TNS3: variants seen among roughly 807,000 people sequenced by gnomAD.
TNS3 encodes tensin 3.
TNS3 carries 45 observed loss-of-function variants against 140.9 expected under a neutral mutation model. The ratio of observed to expected loss-of-function variants is 0.32; its 90% CI spans 0.25 to 0.41. The LOEUF (loss-of-function observed/expected upper bound fraction) is 0.41, where lower values mean the gene tolerates loss of function less well. Among genes scored for constraint, TNS3 ranks in the 10% least tolerant of loss-of-function variants. The pLI is 1.00. For missense variants in TNS3, 1,716 were observed against 1,906.7 expected, an observed-to-expected ratio of 0.90 and a Z score of 1.86; for synonymous variants, 815 against 788.4, an observed-to-expected ratio of 1.03 and a Z score of -0.56.
intron 20 of TNS3, among the ~76,000 whole-genome samples, chr7:47,319,456 T>G (rs1298465156): frequency 6.6e-6 from 1 of 152,018 alleles, no homozygotes; most frequent in Non-Finnish European, 1.5e-5. Flanking sequence ...CAGGCTCTTT[T>G]TGACAATCAG....
At chr7:47,308,094 C>G (rs185022032) in intron 20 of TNS3, among the ~76,000 whole-genome samples, 1 of 152,228 alleles carries the variant, frequency 6.6e-6, no homozygotes, top group African/African-American at 2.4e-5. Flanking sequence ...AAACATAAGC[C>G]TATGATCCAT....
intron 1 of TNS3, among the ~76,000 whole-genome samples, chr7:47,533,037 T>G: frequency 6.7e-6 from 1 of 148,690 alleles, no homozygotes; most frequent in African/African-American, 2.5e-5. Flanking sequence ...CCTTGCCATA[T>G]TAATAATCAT....
chr7:47,398,663 G>C (rs1182454124), intron 15 of TNS3, among the ~76,000 whole-genome samples: 4 of 152,016 alleles, frequency 2.6e-5, no homozygotes, highest in Non-Finnish European at 5.9e-5. Flanking sequence ...GGCATAGAAG[G>C]GACTTACCTC....
chr7:47,385,541 C>G (rs1164047765), intron 16 of TNS3, among the ~76,000 whole-genome samples: 1 of 152,166 alleles, frequency 6.6e-6, no homozygotes, highest in Non-Finnish European at 1.5e-5. Flanking sequence ...ACAGAGCCTG[C>G]CTGACAAGCA....
chr7:47,396,723 A>T (rs1482230481), intron 16 of TNS3, 77 bp downstream of exon 16: 3 of 1,255,706 alleles, frequency 2.4e-6, no homozygotes, highest in Non-Finnish European at 3.5e-6. Flanking sequence ...AGACTGCAAA[A>T]TACTTCAGAT....
chr7:47,318,040 C>T (rs1787511857), intron 20 of TNS3, among the ~76,000 whole-genome samples: 1 of 152,186 alleles, frequency 6.6e-6, no homozygotes, highest in African/African-American at 2.4e-5. Flanking sequence ...CAACTATCTC[C>T]AGAACTTTAT....
intron 17 of TNS3, among the ~76,000 whole-genome samples, chr7:47,349,433 A>C (rs953255622): frequency 1.3e-5 from 2 of 152,206 alleles, no homozygotes; most frequent in Non-Finnish European, 2.9e-5. Context: ...TGGTTTCCAC[A>C]ATGGAGGGAA....
At chr7:47,513,572 A>T (rs746928010) in intron 2 of TNS3, among the ~76,000 whole-genome samples, 3 of 152,260 alleles carry the variant, frequency 2.0e-5, no homozygotes, top group Non-Finnish European at 2.9e-5. Flanking sequence ...ATCTTTTTAG[A>T]TGTTCAACCT....
chr7:47,441,499 A>G (rs978968088), intron 5 of TNS3, among the ~76,000 whole-genome samples: 1 of 152,192 alleles, frequency 6.6e-6, no homozygotes, highest in African/African-American at 2.4e-5. Context: ...TTTAAGGTTG[A>G]TTTGTTCAAA....
chr7:47,382,131 G>T (rs1345410935), intron 16 of TNS3, among the ~76,000 whole-genome samples: 1 of 152,174 alleles, frequency 6.6e-6, no homozygotes, highest in African/African-American at 2.4e-5. Flanking sequence ...CAACGGCCAA[G>T]GTACCTTTAT....
At chr7:47,287,576 A>G (rs1314438875) in intron 27 of TNS3, among the ~76,000 whole-genome samples, 1 of 152,200 alleles carries the variant, frequency 6.6e-6, no homozygotes, top group Non-Finnish European at 1.5e-5. Flanking sequence ...GTCTTGCTAC[A>G]ATGGTTGTTC....
intron 20 of TNS3, 121 bp downstream of exon 20, chr7:47,344,634 C>T: frequency 2.1e-6 from 2 of 931,914 alleles, no homozygotes; most frequent in South Asian, 1.6e-5. Flanking sequence ...TCATCCAAGG[C>T]TTCTGAGATA....
intron 20 of TNS3, among the ~76,000 whole-genome samples, chr7:47,306,282 G>A (rs1786747375): frequency 6.6e-6 from 1 of 152,106 alleles, no homozygotes; most frequent in South Asian, 2.1e-4. Flanking sequence ...AAAAGCAAGG[G>A]AAAGCCCTGA....
intron 3 of TNS3, among the ~76,000 whole-genome samples, chr7:47,505,798 T>C (rs74752083): frequency 0.025 from 3,797 of 152,314 alleles, 57 homozygotes; most frequent in Middle Eastern, 0.058. Context: ...TGTGTGCATG[T>C]GTATTTATGT....
At chr7:47,496,367 G>A (rs1329400143) in intron 3 of TNS3, among the ~76,000 whole-genome samples, 11 of 152,150 alleles carry the variant, frequency 7.2e-5, no homozygotes, top group Admixed American at 3.9e-4. Context: ...AAGGAGGGAC[G>A]TTTCCCCTGT....
chr7:47,521,543 A>G (rs1194773788), intron 2 of TNS3, among the ~76,000 whole-genome samples: 1 of 152,180 alleles, frequency 6.6e-6, no homozygotes, highest in Non-Finnish European at 1.5e-5. Context: ...CCCAGTGAAC[A>G]TCCGGATGGC....
At chr7:47,454,403 A>T (rs1382096778) in intron 4 of TNS3, among the ~76,000 whole-genome samples, 2 of 152,148 alleles carry the variant, frequency 1.3e-5, no homozygotes, top group Non-Finnish European at 2.9e-5. Context: ...TCCTCCGAGC[A>T]TTGGTTTCCA....
intron 20 of TNS3, among the ~76,000 whole-genome samples, chr7:47,334,086 A>G (rs1788485432): frequency 1.3e-5 from 2 of 152,122 alleles, no homozygotes; most frequent in Admixed American, 6.5e-5. Context: ...TACCAAATCC[A>G]GGAAGTCCGC....
chr7:47,471,107 G>T (rs529980319), intron 4 of TNS3, among the ~76,000 whole-genome samples: 1 of 152,274 alleles, frequency 6.6e-6, no homozygotes, highest in Admixed American at 6.5e-5. Flanking sequence ...AAACCCTTTG[G>T]AAATAGCCAA....
Sources: gnomAD v4.1 joint callset for allele counts (sites outside exome capture counted in the v4.1 genomes callset) on GRCh38, gnomAD v4.1.1 for gene constraint, MANE v1.5 for transcripts, NCBI Gene and HGNC (gene_info 2026-07-23, HGNC 2026-07-21) for gene names.